Variants in C19orf38 observed in about 807,000 individuals in gnomAD.
C19orf38 encodes the protein chromosome 19 open reading frame 38.
Under a neutral mutation model 26.6 loss-of-function variants are expected in C19orf38, and 14 were observed. That is an observed-to-expected ratio of 0.53 (90% CI 0.35 to 0.82). The LOEUF (loss-of-function observed/expected upper bound fraction) is 0.82. Ranked by LOEUF, C19orf38 falls within the 40% of genes least tolerant of loss-of-function variation. The probability of loss-of-function intolerance (pLI) is 0.01; values close to 1 mark genes in which losing one functional copy is unlikely to be tolerated. For missense variants in C19orf38, 261 were observed against 299.5 expected (o/e 0.87, Z 0.95); for synonymous variants, 132 against 128.5 (o/e 1.03, Z -0.18).
intron 2 of C19orf38, 115 bp downstream of exon 2, chr19:10,850,682 A>G (rs2073563897): frequency 1.8e-6 from 2 of 1,116,010 alleles, no homozygotes; most frequent in Admixed American, 2.4e-5. Context: ...ACACCCTGCC[A>G]GGACTTACTC....
intron 1 of C19orf38, among the ~76,000 whole-genome samples, chr19:10,838,909 TC>T (rs1409058566): frequency 6.6e-6 from 1 of 151,642 alleles, no homozygotes; most frequent in Non-Finnish European, 1.5e-5. Context: ...CATTTCTTTT[TC>T]TTTTTTTTTC....
At chr19:10,853,887 C>G (rs997509050) in intron 2 of C19orf38, among the ~76,000 whole-genome samples, 32 of 150,912 alleles carry the variant, frequency 2.1e-4, no homozygotes, top group African/African-American at 7.8e-4. Context: ...TGAGCTACCC[C>G]GTCCGGCTAA....
At position 10,842,867 on chromosome 19, in the gene C19orf38, T is replaced by C. The variant is rs553564663; in HGVS notation, c.-68-5574T>C. On this transcript the variant is annotated intron_variant, in intron 1 of 7. Transcript: ENST00000592854. Reference sequence around the variant, plus strand: ...CCTACCACCCGCAAGGGCATGACACTGGAGGCACCCTGCCCACTCAGCCCA... The same window carrying C: ...CCTACCACCCGCAAGGGCATGACACCGGAGGCACCCTGCCCACTCAGCCCA... Among the ~76,000 whole-genome samples, 8 of 152,332 alleles carry C rather than the reference T, an allele frequency of 5.3e-5. No homozygotes were observed. The East Asian group carries it at 1.5e-3, about 29-fold the overall frequency.
rs528694885 is a variant in C19orf38, at chr19:10,864,812, G to A, written c.543+1605G>A. Among the ~76,000 whole-genome samples, 6 of 152,294 alleles carry A rather than the reference G, an allele frequency of 3.9e-5. 1 individual carries two copies. The South Asian group carries it at 1.2e-3, about 32-fold the overall frequency. ...TGATGAGGGGGCCAAGGGAGAAGAG[G>A]GAGGCCAAGGAGGGTGAGGCTTGGA... On this transcript the variant is annotated intron_variant, in intron 6 of 6. Coordinates refer to ENST00000397820, the MANE Select transcript of C19orf38 (RefSeq NM_001136482.3).
chr19:10,868,659 G>A (rs1285234480), intron 6 of C19orf38, among the ~76,000 whole-genome samples: 4 of 151,900 alleles, frequency 2.6e-5, no homozygotes, highest in African/African-American at 9.7e-5. Context: ...GATTACAGGC[G>A]TGCACCACCA....
rs753936985 is a variant in C19orf38 at position 10,869,582 on chromosome 19, G to A, written c.*215G>A. The A allele has an allele frequency of 1.6e-5, 10 of 626,384 alleles. No homozygotes were observed. The highest frequency in any genetic ancestry group is 8.0e-5 in the South Asian group (3 of 37,538). The allele number at this position is 626,384 out of a possible 1,614,324, so 38.8% of individuals were successfully genotyped here. A position where few individuals can be genotyped will look rare whatever the true frequency, so the allele number is the denominator to read the frequency against. On this transcript the variant is annotated 3_prime_UTR_variant, in exon 7 of 7. Coordinates refer to ENST00000397820, the MANE Select transcript of C19orf38 (RefSeq NM_001136482.3). ...ACAGACAACAGGAAGTTCCCCTCTC[G>A]ACCTTCGGCTCCTCAGGACCACCAG...
intron 5 of C19orf38, among the ~76,000 whole-genome samples, chr19:10,861,827 C>A (rs1293467426): frequency 6.6e-6 from 1 of 152,130 alleles, no homozygotes; most frequent in South Asian, 2.1e-4. Flanking sequence ...ATCCACCCAC[C>A]TCAGCCTCCC....
At position 10,862,470 on chromosome 19, in the gene C19orf38, G is replaced by A. The variant is rs77700206; in HGVS notation, c.506-700G>A. Among the ~76,000 whole-genome samples the A allele has an allele frequency of 0.03, 4,577 of 152,040 alleles. 404 individuals are homozygous for A. In the East Asian group the frequency reaches 0.36, roughly 12 times the overall value. Reference sequence around the variant, plus strand: ...TCCTCCCTCCTTGGCCTTCCAAAGCGTTGGGATTACAGCCGTGAGCCACCT... The same window carrying A: ...TCCTCCCTCCTTGGCCTTCCAAAGCATTGGGATTACAGCCGTGAGCCACCT... On this transcript the variant is annotated intron_variant, in intron 5 of 6. Transcript: ENST00000397820.
chr19:10,858,925 A>AAT (rs2073658985), intron 4 of C19orf38, among the ~76,000 whole-genome samples: 1 of 145,948 alleles, frequency 6.9e-6, no homozygotes, highest in Non-Finnish European at 1.5e-5. Context: ...TAACCAGGAG[A>AAT]ATATATATAT....
intron 6 of C19orf38, among the ~76,000 whole-genome samples, chr19:10,868,998 A>G (rs1468364140): frequency 6.6e-6 from 1 of 152,126 alleles, no homozygotes; most frequent in Non-Finnish European, 1.5e-5. Context: ...TTACACTGCT[A>G]TAAAGTGAAG....
intron 3 of C19orf38, among the ~76,000 whole-genome samples, chr19:10,857,923 AAAG>A (rs1388960803): frequency 2.0e-5 from 3 of 149,564 alleles, no homozygotes; most frequent in Non-Finnish European, 4.4e-5. Flanking sequence ...AGAAAGAAAG[AAAG>A]AAAGAAAAAT....
intron 5 of C19orf38, 121 bp downstream of exon 5, chr19:10,860,079 C>T: frequency 1.0e-6 from 1 of 1,003,798 alleles, no homozygotes; most frequent in Non-Finnish European, 1.5e-6. Context: ...AGGGTCAAAA[C>T]ACACCCTCGC....
intron 5 of C19orf38, among the ~76,000 whole-genome samples, chr19:10,860,594 C>A (rs1419343548): frequency 7.0e-6 from 1 of 143,634 alleles, no homozygotes; most frequent in Non-Finnish European, 1.5e-5. Context: ...GTAATCCCAG[C>A]ACTTTGGGAG....
chr19:10,868,776 G>T (rs2073776227), intron 6 of C19orf38, among the ~76,000 whole-genome samples: 3 of 152,214 alleles, frequency 2.0e-5, no homozygotes, highest in Admixed American at 2.0e-4. Flanking sequence ...AAAGTGCTGG[G>T]ATTACAGGCG....
At chr19:10,859,348 GTATATATATATATA>G (rs1164393634) in intron 4 of C19orf38, among the ~76,000 whole-genome samples, 2,628 of 55,924 alleles carry the variant, frequency 0.047, 125 homozygotes, top group South Asian at 0.071. Context: ...GTGTGTGTGT[GTATATATATATATA>G]TATATATATA....
At chr19:10,864,089 C>G (rs2073729181) in intron 6 of C19orf38, among the ~76,000 whole-genome samples, 1 of 152,086 alleles carries the variant, frequency 6.6e-6, no homozygotes. Context: ...AAGACAGAGT[C>G]TAGCTCTGTC....
Position 10,841,841 on chromosome 19 carries a change from G to A in C19orf38, c.-69+5071G>A. On this transcript the variant is annotated intron_variant, in intron 1 of 7. Transcript: ENST00000592854. ...ATTTTTTAAAAAATTAGCTGGGCATGGGAACAATCCCATTTCCTGAGGGAA... is the reference window on the plus strand; with the variant it reads ...ATTTTTTAAAAAATTAGCTGGGCATAGGAACAATCCCATTTCCTGAGGGAA... 3.6e-6 allele frequency: 5 copies of A among 1,406,288 alleles called. No homozygotes were observed. In the South Asian group the frequency reaches 5.8e-5, roughly 16 times the overall value. 87.1% of individuals were successfully genotyped at this position (1,406,288 alleles called of 1,614,324 possible). A position where few individuals can be genotyped will look rare whatever the true frequency, so the allele number is the denominator to read the frequency against.
chr19:10,855,789 A>G (rs1282957283), intron 2 of C19orf38, among the ~76,000 whole-genome samples: 1 of 152,090 alleles, frequency 6.6e-6, no homozygotes, highest in Non-Finnish European at 1.5e-5. Flanking sequence ...TGGCCTCCCA[A>G]AGTGTGGGGA....
intron 6 of C19orf38, among the ~76,000 whole-genome samples, chr19:10,866,826 A>T (rs1303027668): frequency 1.3e-5 from 2 of 151,872 alleles, no homozygotes; most frequent in African/African-American, 4.8e-5. Context: ...TTTTTAGTAG[A>T]TACAGGGTTT....
Sources: gnomAD v4.1 joint callset for allele counts (sites outside exome capture counted in the v4.1 genomes callset) on GRCh38, gnomAD v4.1.1 for gene constraint, MANE v1.5 for transcripts, NCBI Gene and HGNC (gene_info 2026-07-23, HGNC 2026-07-21) for gene names.